The following CDH13 variants were observed in gnomAD, a reference collection of about 807,000 sequenced individuals.
CDH13 encodes cadherin-13.
CDH13 carries 24 observed loss-of-function variants against 63.8 expected under a neutral mutation model. The observed-to-expected ratio is 0.38, with a 90% CI of 0.27 to 0.53. The LOEUF (loss-of-function observed/expected upper bound fraction) is 0.53, where lower values mean the gene tolerates loss of function less well. CDH13 is among the 20% of genes least tolerant of loss of function. The pLI, the probability that CDH13 is intolerant of heterozygous loss-of-function variation, is 0.85. For missense variants in CDH13, 1,049 were observed against 903.1 expected (o/e 1.16, Z -2.07); for synonymous variants, 503 against 355.3 (o/e 1.42, Z -4.67).
In CDH13 at chr16:83,482,528, G is replaced by A. The variant is rs372777588; in HGVS notation, c.782-3949G>A. ...TCTGTTTCTCGACTGAATCTATGGA[G>A]CCAGAGTTCCTCGGAACCAATTTAG... is the stretch of plus-strand genomic sequence containing the variant. On this transcript the variant is annotated intron_variant, in intron 6 of 13. Coordinates refer to ENST00000567109, the MANE Select transcript of CDH13 (RefSeq NM_001257.5). Among the ~76,000 whole-genome samples the A allele has an allele frequency of 3.0e-4, 46 of 152,330 alleles. No individual in the cohort carries two copies. In the East Asian group the frequency reaches 3.7e-3, roughly 12 times the overall value.
intron 3 of CDH13, among the ~76,000 whole-genome samples, chr16:83,120,620 A>AT (rs1350167656): frequency 6.6e-6 from 1 of 152,124 alleles, no homozygotes; most frequent in Non-Finnish European, 1.5e-5. Flanking sequence ...GGCTCAAGAT[A>AT]TTTTTTTAAT....
chr16:83,007,372 C>A (rs534991097), intron 2 of CDH13, among the ~76,000 whole-genome samples: 1 of 152,116 alleles, frequency 6.6e-6, no homozygotes. Context: ...CCATTTCACA[C>A]GTGAGGAAAC....
chr16:83,659,968 G>T (rs1913289327), intron 8 of CDH13, among the ~76,000 whole-genome samples: 1 of 151,938 alleles, frequency 6.6e-6, no homozygotes, highest in East Asian at 1.9e-4. Context: ...TGTATTTTTT[G>T]TAGAGACGGG....
At chr16:83,119,467 G>T (rs2035465370) in intron 3 of CDH13, among the ~76,000 whole-genome samples, 1 of 152,152 alleles carries the variant, frequency 6.6e-6, no homozygotes, top group Non-Finnish European at 1.5e-5. Context: ...CTTTTTAAAA[G>T]CCTTTGCCCA....
In CDH13 at chr16:83,032,089, C is replaced by A. The variant is rs764913956; in HGVS notation, c.237C>A (p.Gly79=). 6.2e-7 allele frequency: 1 copy of A among 1,612,638 alleles called. No individual in the cohort carries two copies. Among genetic ancestry groups the A allele is most frequent in the Admixed American group, 1.7e-5 (1 of 59,888 alleles). The change falls in exon 3 of 14, where the codon GGC becomes GGA. Residue 79 remains glycine, a synonymous_variant. Coordinates refer to ENST00000567109, the MANE Select transcript of CDH13 (RefSeq NM_001257.5). ...CATACTTCAAGGTGAACAGCGATGGCGGCTTAGTTGCTCTGAGAAACATAA... is the reference window on the plus strand; with the variant it reads ...CATACTTCAAGGTGAACAGCGATGGAGGCTTAGTTGCTCTGAGAAACATAA... The part of the protein sequence containing the change: ...SSPYFKVNSD[G]GLVALRNITA...
At chr16:82,662,248 GC>G (rs1435682772) in intron 1 of CDH13, among the ~76,000 whole-genome samples, 1 of 138,656 alleles carries the variant, frequency 7.2e-6, no homozygotes, top group Non-Finnish European at 1.7e-5. Context: ...CAACACACAG[GC>G]ACATACTTTT....
intron 6 of CDH13, among the ~76,000 whole-genome samples, chr16:83,349,988 T>C (rs903224754): frequency 6.6e-6 from 1 of 152,094 alleles, no homozygotes; most frequent in Non-Finnish European, 1.5e-5. Context: ...ATTAAACACA[T>C]ACGTTAGAGT....
intron 5 of CDH13, among the ~76,000 whole-genome samples, chr16:83,326,858 C>G (rs1047929061): frequency 6.6e-6 from 1 of 152,144 alleles, no homozygotes; most frequent in Non-Finnish European, 1.5e-5. Flanking sequence ...TACTCCTAAG[C>G]CCAGAACCTA....
intron 3 of CDH13, among the ~76,000 whole-genome samples, chr16:83,122,913 G>T (rs1462707345): frequency 1.3e-5 from 2 of 151,976 alleles, no homozygotes; most frequent in Admixed American, 1.3e-4. Flanking sequence ...TGATTTTTCA[G>T]CTCTCACCCT....
At chr16:83,360,644 A>C (rs966419460) in intron 6 of CDH13, among the ~76,000 whole-genome samples, 12 of 152,066 alleles carry the variant, frequency 7.9e-5, no homozygotes, top group Non-Finnish European at 1.8e-4. Context: ...AGCGTCTGTT[A>C]TTGCCATTTT....
intron 7 of CDH13, among the ~76,000 whole-genome samples, chr16:83,571,217 T>G (rs965442169): frequency 5.3e-5 from 8 of 152,220 alleles, no homozygotes; most frequent in African/African-American, 1.9e-4. Flanking sequence ...ATTTTCTACC[T>G]TATTTTACTA....
intron 2 of CDH13, among the ~76,000 whole-genome samples, chr16:83,015,395 T>C (rs1914655118): frequency 6.6e-6 from 1 of 151,802 alleles, no homozygotes; most frequent in South Asian, 2.1e-4. Flanking sequence ...TTGGTTATTT[T>C]GAAAACCGTA....
chr16:83,409,325 C>G (rs1339647965), intron 6 of CDH13, among the ~76,000 whole-genome samples: 4 of 152,186 alleles, frequency 2.6e-5, no homozygotes, highest in Non-Finnish European at 5.9e-5. Context: ...CCCCAGCACT[C>G]CTGGGCTACC....
intron 4 of CDH13, among the ~76,000 whole-genome samples, chr16:83,149,800 CTG>C (rs2036898093): frequency 6.6e-6 from 1 of 152,172 alleles, no homozygotes; most frequent in Non-Finnish European, 1.5e-5. Flanking sequence ...CTTCCAAACT[CTG>C]TATTCAGCGA....
Position 83,748,593 on chromosome 16 carries a change from A to C in CDH13, c.1681+343A>C, listed in dbSNP as rs532133201. On this transcript the variant is annotated intron_variant, in intron 11 of 13. Coordinates refer to ENST00000567109, the MANE Select transcript of CDH13 (RefSeq NM_001257.5). ...GCAAAGAGGCTCTTGGACTTAATAC[A>C]AGTTGAAAGTAAGTCCCAGAGGACA... 3.9e-5 allele frequency among the ~76,000 whole-genome samples: 6 copies of C among 152,252 alleles called. No individual in the cohort carries two copies. The South Asian group carries it at 1.2e-3, about 32-fold the overall frequency.
intron 4 of CDH13, among the ~76,000 whole-genome samples, chr16:83,184,089 A>AACACACACACACACAC (rs10656475): frequency 7.6e-6 from 1 of 131,560 alleles, no homozygotes; most frequent in Non-Finnish European, 1.6e-5. Context: ...CTAGAGGTTA[A>AACACACACACACACAC]ACACACACAC....
At chr16:82,975,307 C>T (rs1190273556) in intron 2 of CDH13, among the ~76,000 whole-genome samples, 1 of 152,158 alleles carries the variant, frequency 6.6e-6, no homozygotes, top group Non-Finnish European at 1.5e-5. Flanking sequence ...AACCCGTGCG[C>T]CTTGTGAGGA....
intron 1 of CDH13, among the ~76,000 whole-genome samples, chr16:82,741,960 G>T (rs954390739): frequency 6.6e-6 from 1 of 152,134 alleles, no homozygotes; most frequent in African/African-American, 2.4e-5. Flanking sequence ...AAATAAAGAT[G>T]TGAAAAAATT....
chr16:83,053,035 C>A (rs372902284), intron 3 of CDH13, among the ~76,000 whole-genome samples: 1 of 152,070 alleles, frequency 6.6e-6, no homozygotes, highest in Non-Finnish European at 1.5e-5. Context: ...GAAGGCCTAA[C>A]TTTTTCTGTT....
Sources: gnomAD v4.1 joint callset for allele counts (sites outside exome capture counted in the v4.1 genomes callset) on GRCh38, gnomAD v4.1.1 for gene constraint, MANE v1.5 for transcripts, NCBI Gene and HGNC (gene_info 2026-07-23, HGNC 2026-07-21) for gene names.